The following HEPHL1 variants were observed in gnomAD, a reference collection of about 807,000 sequenced individuals.
HEPHL1 encodes hephaestin like 1.
Under a neutral mutation model 122.0 loss-of-function variants are expected in HEPHL1, and 123 were observed. The observed-to-expected ratio is 1.01, with a 90% CI of 0.87 to 1.17. HEPHL1 has a LOEUF of 1.17. Among genes scored for constraint, HEPHL1 ranks in the 50% most tolerant of loss-of-function variants. The pLI, the probability that HEPHL1 is intolerant of heterozygous loss-of-function variation, is 0.00. For missense variants in HEPHL1, 1,452 were observed against 1,430.5 expected (o/e 1.01, Z -0.24); for synonymous variants, 527 against 508.9 (o/e 1.04, Z -0.48).
rs1478234206 is a variant in HEPHL1, at chr11:94,075,381, C to T, written c.1712C>T (p.Thr571Ile). 4 of 1,611,216 alleles carry T rather than the reference C, an allele frequency of 2.5e-6. No individual in the cohort carries two copies. The highest frequency in any genetic ancestry group is 3.4e-6 in the Non-Finnish European group (4 of 1,178,608). Residue 571 changes from threonine to isoleucine, a missense_variant, in exon 9 of 20, where the codon ACA (threonine) becomes ATA (isoleucine). Physicochemically the swap from Thr to Ile is moderately conservative, Grantham distance 89. Transcript: ENST00000315765. Reference protein sequence around the residue: ...CKKGVLNADGTQKGIDKEFYL... With the variant: ...CKKGVLNADGIQKGIDKEFYL... ...AAGGGCGTCCTCAATGCTGATGGGA[C>T]ACAGGTAGGCCATTGAGTGTCACCA...
chr11:94,064,909 C>T (rs1946021301), intron 4 of HEPHL1, among the ~76,000 whole-genome samples: 1 of 152,166 alleles, frequency 6.6e-6, no homozygotes, highest in African/African-American at 2.4e-5. Flanking sequence ...TTGCTTCATC[C>T]AGTAACCATT....
intron 2 of HEPHL1, among the ~76,000 whole-genome samples, chr11:94,058,212 A>G (rs572475140): frequency 1.5e-4 from 23 of 152,246 alleles, no homozygotes; most frequent in African/African-American, 4.1e-4. Flanking sequence ...CTCTTAGCTG[A>G]TGTTCAGCAG....
chr11:94,059,487 C>T (rs1945965842), intron 2 of HEPHL1, among the ~76,000 whole-genome samples: 1 of 152,046 alleles, frequency 6.6e-6, no homozygotes, highest in African/African-American at 2.4e-5. Flanking sequence ...TCTCCCATGA[C>T]CCCATCAATC....
chr11:94,030,610 A>C (rs368041211), intron 1 of HEPHL1, among the ~76,000 whole-genome samples: 3 of 152,188 alleles, frequency 2.0e-5, no homozygotes, highest in African/African-American at 7.2e-5. Context: ...TCTTCCAGCT[A>C]CACCTGGAGA....
intron 2 of HEPHL1, among the ~76,000 whole-genome samples, chr11:94,052,950 TATC>T (rs1945903530): frequency 6.6e-6 from 1 of 152,106 alleles, no homozygotes; most frequent in Non-Finnish European, 1.5e-5. Context: ...GTGATGTTTG[TATC>T]TGATTTTGTT....
chr11:94,111,213 C>A, intron 18 of HEPHL1, 148 bp downstream of exon 18: 1 of 686,040 alleles, frequency 1.5e-6, no homozygotes, highest in Non-Finnish European at 2.4e-6. Flanking sequence ...TAACTATAAT[C>A]AAGTATGCTA....
chr11:94,048,484 C>A (rs1445863184), intron 2 of HEPHL1, among the ~76,000 whole-genome samples: 2 of 152,068 alleles, frequency 1.3e-5, no homozygotes, highest in Non-Finnish European at 2.9e-5. Context: ...CTCACCCTCC[C>A]AAGTAGCTGG....
intron 12 of HEPHL1, 78 bp from the exon 13 acceptor site, chr11:94,093,423 T>C: frequency 6.5e-7 from 1 of 1,529,232 alleles, no homozygotes; most frequent in South Asian, 1.1e-5. Flanking sequence ...TTCTCCAGAA[T>C]ACCCCTGAAT....
intron 2 of HEPHL1, among the ~76,000 whole-genome samples, chr11:94,054,684 C>T (rs1246846095): frequency 6.6e-6 from 1 of 152,214 alleles, no homozygotes; most frequent in African/African-American, 2.4e-5. Flanking sequence ...GACAACTGTT[C>T]TTCCCAGTCC....
At chr11:94,105,098 A>C (rs761072844) in intron 16 of HEPHL1, among the ~76,000 whole-genome samples, 3 of 152,212 alleles carry the variant, frequency 2.0e-5, no homozygotes, top group Non-Finnish European at 4.4e-5. Context: ...TTTAAGGGCC[A>C]GGTTTAATTG....
chr11:94,101,259 G>A lies in HEPHL1; in HGVS notation c.2499G>A (p.Arg833=), dbSNP rs750847717. ...TCATATTTAAGAACAAAGCCAGTAG[G>A]CCCTACTCCATCTCAGCCCAGGGTG... is the stretch of plus-strand genomic sequence containing the variant. ...VLIIFKNKAS[R]PYSISAQGVE... is the part of the protein sequence containing the mutation. The change falls in exon 14 of 20, where the codon AGG becomes AGA. Residue 833 remains arginine, a synonymous_variant. Coordinates refer to ENST00000315765, the MANE Select transcript of HEPHL1 (RefSeq NM_001098672.2). 6.2e-7 allele frequency: 1 copy of A among 1,613,938 alleles called. No individual in the cohort carries two copies. Among genetic ancestry groups the A allele is most frequent in the South Asian group, 1.1e-5 (1 of 91,072 alleles).
Position 94,056,131 on chromosome 11 carries a change from T to C in HEPHL1, c.416-7377T>C, listed in dbSNP as rs116956428. Among the ~76,000 whole-genome samples, 9 of 152,336 alleles carry C rather than the reference T, an allele frequency of 5.9e-5. No homozygotes were observed. In the East Asian group the frequency reaches 1.5e-3, roughly 26 times the overall value. On this transcript the variant is annotated intron_variant, in intron 2 of 19. Coordinates refer to ENST00000315765, the MANE Select transcript of HEPHL1 (RefSeq NM_001098672.2). ...TATTGACCCTTTTATCGCGACAAAA[T>C]ATCTTTGTCTCTAATAGCATTTCTT...
intron 2 of HEPHL1, among the ~76,000 whole-genome samples, chr11:94,058,495 C>G (rs941578030): frequency 3.3e-5 from 5 of 151,884 alleles, no homozygotes; most frequent in African/African-American, 1.2e-4. Context: ...TTGTTGCTTC[C>G]AAAATATCAT....
intron 2 of HEPHL1, among the ~76,000 whole-genome samples, chr11:94,053,761 T>A (rs1945911431): frequency 6.6e-6 from 1 of 152,210 alleles, no homozygotes; most frequent in Non-Finnish European, 1.5e-5. Context: ...TTTAGATGAT[T>A]TCAAAGATTT....
At chr11:94,107,594 GTC>G (rs1295445405) in intron 17 of HEPHL1, among the ~76,000 whole-genome samples, 1 of 152,106 alleles carries the variant, frequency 6.6e-6, no homozygotes, top group Non-Finnish European at 1.5e-5. Context: ...GTCAACCACT[GTC>G]TCTATAGTTT....
chr11:94,101,641 T>C (rs1374524905), intron 14 of HEPHL1, among the ~76,000 whole-genome samples: 1 of 152,204 alleles, frequency 6.6e-6, no homozygotes, highest in Non-Finnish European at 1.5e-5. Flanking sequence ...ACATTAGGGT[T>C]CAGTATTGGT....
Position 94,070,291 on chromosome 11 carries a change from G to A in HEPHL1, c.1064-83G>A, listed in dbSNP as rs896326588. The A allele has an allele frequency of 4.0e-5, 55 of 1,375,470 alleles. No homozygotes were observed. The African/African-American group carries it at 7.5e-4, about 19-fold the overall frequency. 85.2% of individuals were successfully genotyped at this position (1,375,470 alleles called of 1,614,324 possible). ...TCTGTACAGAAGCCTAAATGTTCAA[G>A]AGCCAAATCTATCAGTCTTTTCCTA... On this transcript the variant is annotated intron_variant, in intron 5 of 19. Coordinates refer to ENST00000315765, the MANE Select transcript of HEPHL1 (RefSeq NM_001098672.2).
At position 94,073,388 on chromosome 11, in the gene HEPHL1, C is replaced by T; in HGVS notation, c.1453C>T (p.Pro485Ser). ...NKADKVYSILPHGVIYDKASD... is the reference protein window; with the variant it reads ...NKADKVYSILSHGVIYDKASD... The stretch of plus-strand genomic sequence containing the variant: ...AGCCGACAAGGTCTATAGCATTTTA[C>T]CCCATGGTGTGATCTATGACAAGGC... The change falls in exon 8 of 20, where the codon CCC becomes TCC. Residue 485 changes from proline (P) to serine (S), a missense_variant. Physicochemically the swap from Pro to Ser is moderately conservative, Grantham distance 74 (BLOSUM62 -1). Coordinates refer to ENST00000315765, the MANE Select transcript of HEPHL1 (RefSeq NM_001098672.2). The T allele has an allele frequency of 6.4e-7, 1 of 1,569,442 alleles. No individual in the cohort carries two copies. The highest frequency in any genetic ancestry group is 1.2e-5 in the South Asian group (1 of 85,478).
At chr11:94,101,476 C>T in intron 14 of HEPHL1, 141 bp downstream of exon 14, 1 of 845,654 alleles carries the variant, frequency 1.2e-6, no homozygotes, top group South Asian at 2.1e-5. Flanking sequence ...ATGAGATCAT[C>T]ATTCATCCAA....
Sources: allele counts gnomAD v4.1 joint callset (sites outside exome capture counted in the v4.1 genomes callset), GRCh38; gene constraint gnomAD v4.1.1; transcripts MANE v1.5; gene names NCBI Gene and HGNC (gene_info 2026-07-23, HGNC 2026-07-21).